The following KCNQ1 variants were observed in gnomAD, a reference collection of about 807,000 sequenced individuals.
KCNQ1 encodes potassium voltage-gated channel subfamily Q member 1.
In KCNQ1, 49 loss-of-function variants were observed where a neutral mutation model predicts 72.4. That is an observed-to-expected ratio of 0.68 (90% CI 0.54 to 0.86). The LOEUF (loss-of-function observed/expected upper bound fraction) is 0.86, where lower values mean the gene tolerates loss of function less well. Ranked by LOEUF, KCNQ1 falls within the 40% of genes least tolerant of loss-of-function variation. The probability of loss-of-function intolerance (pLI) is 0.00; values close to 1 mark genes in which losing one functional copy is unlikely to be tolerated. For synonymous variants in KCNQ1, 450 were observed against 412.6 expected (o/e 1.09, Z -1.10); for missense variants, 790 against 945.1 (o/e 0.84, Z 2.15).
intron 15 of KCNQ1, among the ~76,000 whole-genome samples, chr11:2,796,982 G>A (rs1847148727): frequency 6.6e-6 from 1 of 152,230 alleles, no homozygotes; most frequent in South Asian, 2.1e-4. Context: ...CCAGAGAGGC[G>A]AAATTAGATC....
chr11:2,561,299 AG>A (rs1413803660), intron 2 of KCNQ1, among the ~76,000 whole-genome samples: 2 of 152,026 alleles, frequency 1.3e-5, no homozygotes, highest in African/African-American at 4.8e-5. Context: ...GGTGACGTGG[AG>A]GGCCCCAGGC....
At chr11:2,630,777 T>C in intron 10 of KCNQ1, 1 of 398,504 alleles carries the variant, frequency 2.5e-6, no homozygotes, top group Admixed American at 4.4e-5. Flanking sequence ...TAGTTGCTGA[T>C]AAACTCCTTC....
intron 10 of KCNQ1, chr11:2,633,856 C>A: frequency 2.5e-6 from 1 of 398,540 alleles, no homozygotes; most frequent in East Asian, 3.6e-5. Flanking sequence ...CTGTGTAATG[C>A]GCATATACAA....
intron 11 of KCNQ1, chr11:2,694,356 C>G (rs1254483342): frequency 2.5e-6 from 1 of 398,530 alleles, no homozygotes; most frequent in Non-Finnish European, 4.4e-6. Flanking sequence ...ATGGCAATGT[C>G]TGGAGATATT....
chr11:2,560,134 G>A (rs28451516), intron 2 of KCNQ1, among the ~76,000 whole-genome samples: 1 of 101,930 alleles, frequency 9.8e-6, no homozygotes, highest in African/African-American at 4.0e-5. Context: ...TCAGACATGG[G>A]GGGGAGATGT....
In KCNQ1 at chr11:2,787,157, A is replaced by G. The variant is rs1846930572; in HGVS notation, c.1794+9120A>G. 6.6e-6 allele frequency among the ~76,000 whole-genome samples: 1 copy of G among 152,142 alleles called. No homozygotes were observed. Among genetic ancestry groups the G allele is most frequent in the African/African-American group, 2.4e-5 (1 of 41,424 alleles). ...TAGGTAGTATGAATTCAAGCCTCCA[A>G]GCTGAGCATGGACTAACTTGTGAAC... On this transcript the variant is annotated intron_variant, in intron 15 of 15. Coordinates refer to ENST00000155840, the MANE Select transcript of KCNQ1 (RefSeq NM_000218.3). This position sits in a 1 kb window ranked among gnomAD's most constrained non-coding sequence, Gnocchi z 6.3.
rs1394058425 is a variant in KCNQ1, at chr11:2,641,912, T to C, written c.1394-20049T>C. 3 of 398,402 alleles carry C rather than the reference T, an allele frequency of 7.5e-6. No homozygotes were observed. In the East Asian group the frequency reaches 1.1e-4, roughly 14 times the overall value. The allele number at this position is 398,402 out of a possible 1,614,324, so 24.7% of individuals were successfully genotyped here. A position where few individuals can be genotyped will look rare whatever the true frequency, so the allele number is the denominator to read the frequency against. ...GTGCTCTTTTCCCAGTGTATGTTCT[T>C]GGCATCTTTGTCAAAAATCAGTTGG... On this transcript the variant is annotated intron_variant, in intron 10 of 15. Transcript: ENST00000155840.
Position 2,519,564 on chromosome 11 carries a change from G to A in KCNQ1, c.387-8364G>A, listed in dbSNP as rs1847345039. ...GAGCCCAGGAAATCGAGGCTGCAGT[G>A]AGCCAGGATCATACCACTGTCCTCC... On this transcript the variant is annotated intron_variant, in intron 1 of 15. Coordinates refer to ENST00000155840, the MANE Select transcript of KCNQ1 (RefSeq NM_000218.3). Among the ~76,000 whole-genome samples, 3 of 152,270 alleles carry A rather than the reference G, an allele frequency of 2.0e-5. No individual in the cohort carries two copies. The South Asian group carries it at 6.2e-4, about 32-fold the overall frequency.
chr11:2,789,533 T>C lies in KCNQ1; in HGVS notation c.1794+11496T>C, dbSNP rs147409523. ...CATTGCTCGGGAGGGATATTATTGA[T>C]GTGTTGCTCAGTAAGAAACCAAAGT... On this transcript the variant is annotated intron_variant, in intron 15 of 15. Coordinates refer to ENST00000155840, the MANE Select transcript of KCNQ1 (RefSeq NM_000218.3). Among the ~76,000 whole-genome samples the C allele has an allele frequency of 3.3e-3, 504 of 152,326 alleles. 3 individuals carry two copies. Among genetic ancestry groups the C allele is most frequent in the Middle Eastern group, 6.8e-3 (2 of 294 alleles).
chr11:2,529,976 C>T (rs1247724593), intron 2 of KCNQ1, among the ~76,000 whole-genome samples: 1 of 152,124 alleles, frequency 6.6e-6, no homozygotes, highest in African/African-American at 2.4e-5. Context: ...CAGTGAGGGG[C>T]CCCCCTTGCC....
intron 11 of KCNQ1, among the ~76,000 whole-genome samples, chr11:2,741,554 C>G (rs933774305): frequency 5.9e-5 from 9 of 152,304 alleles, no homozygotes; most frequent in East Asian, 3.9e-4. Flanking sequence ...AGGCCCAGCC[C>G]TCCCAGCTCA....
At chr11:2,467,532 G>A (rs1846369552) in intron 1 of KCNQ1, among the ~76,000 whole-genome samples, 1 of 152,210 alleles carries the variant, frequency 6.6e-6, no homozygotes, top group Admixed American at 6.5e-5. Context: ...TCTCTGCTGA[G>A]AACCACAATC....
chr11:2,799,483 G>A (rs937533027), intron 15 of KCNQ1, among the ~76,000 whole-genome samples: 12 of 151,824 alleles, frequency 7.9e-5, no homozygotes, highest in African/African-American at 2.7e-4. Flanking sequence ...TGTGAGGGCA[G>A]TGTGTGTGTT....
chr11:2,843,898 A>G (rs977310571), intron 15 of KCNQ1, among the ~76,000 whole-genome samples: 1 of 152,102 alleles, frequency 6.6e-6, no homozygotes, highest in African/African-American at 2.4e-5. Context: ...CTTGCCTTTT[A>G]ATCACTATCA....
rs77934046 is a variant in KCNQ1 at position 2,782,202 on chromosome 11, C to G, written c.1794+4165C>G. 6.9e-3 allele frequency among the ~76,000 whole-genome samples: 1,053 copies of G among 152,312 alleles called. 18 individuals are homozygous for G. The highest frequency in any genetic ancestry group is 0.024 in the African/African-American group (1,011 of 41,574). ...TGTTCATCCTCTCCCTTTAGCCCAA[C>G]CCCTGCTGAGTTCAGGCCTTTATCA... On this transcript the variant is annotated intron_variant, in intron 15 of 15. Coordinates refer to ENST00000155840, the MANE Select transcript of KCNQ1 (RefSeq NM_000218.3). This position sits in a 1 kb window ranked among gnomAD's most constrained non-coding sequence, Gnocchi z 6.1.
intron 1 of KCNQ1, among the ~76,000 whole-genome samples, chr11:2,453,546 A>T (rs1312484868): frequency 1.3e-5 from 2 of 152,164 alleles, no homozygotes; most frequent in African/African-American, 2.4e-5. Context: ...CCACAGGGGG[A>T]CCTTGAACAT....
At position 2,445,494 on chromosome 11, in the gene KCNQ1, G is replaced by A. The variant is rs1846024541; in HGVS notation, c.386+10G>A. The A allele has an allele frequency of 6.3e-7, 1 of 1,591,642 alleles. No individual in the cohort carries two copies. Among genetic ancestry groups the A allele is most frequent in the Non-Finnish European group, 8.5e-7 (1 of 1,177,232 alleles). On this transcript the variant is annotated intron_variant, in intron 1 of 15. Transcript: ENST00000155840. ...TTTACCACTTCGCCGTGTGAGTATC[G>A]CCACCGGCGACGGCCGGCACGAAGG...
chr11:2,451,756 C>T lies in KCNQ1; in HGVS notation c.386+6272C>T, dbSNP rs973282842. ...GGGACCTGGGGCCTGGGCTCTGCTCCCCATTTCGCTCCTCCACTCACAGAT... is the reference window on the plus strand; with the variant it reads ...GGGACCTGGGGCCTGGGCTCTGCTCTCCATTTCGCTCCTCCACTCACAGAT... On this transcript the variant is annotated intron_variant, in intron 1 of 15. Coordinates refer to ENST00000155840, the MANE Select transcript of KCNQ1 (RefSeq NM_000218.3). The surrounding 1 kb of genome is among the most constrained non-coding windows in gnomAD (Gnocchi z 6.4). Among the ~76,000 whole-genome samples, 1 of 152,168 alleles carries T rather than the reference C, an allele frequency of 6.6e-6. No homozygotes were observed.
rs1405979071 is a variant in KCNQ1, at chr11:2,445,533, C to T, written c.386+49C>T. ...CCGGCACGAAGGTGCTTCCTGAGAG[C>T]TGGTGTGGGGGAGCTCTGTCCCAGC... On this transcript the variant is annotated intron_variant, in intron 1 of 15. Transcript: ENST00000155840. 1.3e-6 allele frequency: 2 copies of T among 1,570,514 alleles called. 1 individual carries two copies. Among genetic ancestry groups the T allele is most frequent in the South Asian group, 2.3e-5 (2 of 87,750 alleles).
Sources: allele counts gnomAD v4.1 joint callset (sites outside exome capture counted in the v4.1 genomes callset), GRCh38; gene constraint gnomAD v4.1.1; non-coding constraint Gnocchi (gnomAD v3.1); transcripts MANE v1.5; gene names NCBI Gene and HGNC (gene_info 2026-07-23, HGNC 2026-07-21).